CORIN: variants seen among roughly 807,000 people sequenced by gnomAD.
CORIN encodes corin, serine peptidase, also known as atrial natriuretic peptide-converting enzyme.
A neutral mutation model predicts 125.3 loss-of-function variants in CORIN; 117 were observed. That is an observed-to-expected ratio of 0.93 (90% CI 0.80 to 1.09). The LOEUF is 1.09. Ranked by LOEUF, CORIN falls within the 50% of genes least tolerant of loss-of-function variation. The pLI, the probability that CORIN is intolerant of heterozygous loss-of-function variation, is 0.00. For missense variants in CORIN, 1,253 were observed against 1,306.7 expected, an observed-to-expected ratio of 0.96 and a Z score of 0.63; for synonymous variants, 450 against 466.4, an observed-to-expected ratio of 0.96 and a Z score of 0.45.
intron 5 of CORIN, among the ~76,000 whole-genome samples, chr4:47,741,656 A>T (rs1728402380): frequency 6.6e-6 from 1 of 152,054 alleles, no homozygotes; most frequent in African/African-American, 2.4e-5. Context: ...AAACAGTCCA[A>T]ATATTCCTCA....
At chr4:47,741,535 T>C (rs1728395932) in intron 5 of CORIN, among the ~76,000 whole-genome samples, 1 of 152,058 alleles carries the variant, frequency 6.6e-6, no homozygotes, top group Non-Finnish European at 1.5e-5. Flanking sequence ...ACAGCAATTC[T>C]ACTCCTAGGT....
At chr4:47,616,916 A>C (rs1299994614) in intron 19 of CORIN, among the ~76,000 whole-genome samples, 2 of 152,238 alleles carry the variant, frequency 1.3e-5, no homozygotes, top group Non-Finnish European at 2.9e-5. Flanking sequence ...TAACTTTAGG[A>C]GTAAAGTCTT....
intron 4 of CORIN, among the ~76,000 whole-genome samples, chr4:47,747,727 T>G (rs1728722422): frequency 6.6e-6 from 1 of 152,214 alleles, no homozygotes; most frequent in African/African-American, 2.4e-5. Context: ...AACTTTCACA[T>G]GGCCACTCCT....
chr4:47,750,494 A>C (rs112833135), intron 4 of CORIN, among the ~76,000 whole-genome samples: 1 of 152,220 alleles, frequency 6.6e-6, no homozygotes, highest in African/African-American at 2.4e-5. Context: ...GATCACCTAC[A>C]GAAGGAAAAG....
chr4:47,663,604 A>G (rs1023823265), intron 11 of CORIN, among the ~76,000 whole-genome samples: 2 of 152,176 alleles, frequency 1.3e-5, no homozygotes, highest in African/African-American at 2.4e-5. Context: ...CCCTGAAATT[A>G]TAAATTACAT....
chr4:47,767,629 A>G (rs996687162), intron 3 of CORIN, among the ~76,000 whole-genome samples: 8 of 152,242 alleles, frequency 5.3e-5, no homozygotes, highest in African/African-American at 1.9e-4. Context: ...ATGCCAGGAA[A>G]ATAAATATAA....
intron 3 of CORIN, among the ~76,000 whole-genome samples, chr4:47,765,575 G>A (rs759137147): frequency 1.3e-5 from 2 of 152,080 alleles, no homozygotes; most frequent in African/African-American, 2.4e-5. Context: ...TCAGAATTTT[G>A]GTAGCTATTG....
chr4:47,736,722 C>A (rs893575368), intron 5 of CORIN, among the ~76,000 whole-genome samples: 1 of 152,136 alleles, frequency 6.6e-6, no homozygotes, highest in African/African-American at 2.4e-5. Flanking sequence ...GAGAACATGC[C>A]CTAAGAGTCT....
chr4:47,645,149 C>T lies in CORIN; in HGVS notation c.1889G>A (p.Cys630Tyr), dbSNP rs373155410. The T allele has an allele frequency of 9.9e-6, 16 of 1,612,798 alleles. No homozygotes were observed. Among genetic ancestry groups the T allele is most frequent in the African/African-American group, 1.3e-5 (1 of 74,876 alleles). Residue 630 changes from cysteine to tyrosine, a missense_variant, in exon 14 of 22, where the codon TGT becomes TAT. Physicochemically the swap from Cys to Tyr is radical, Grantham distance 194. Transcript: ENST00000273857. ...ATCGCAGATCACTGTGTGCTTCAAA[C>T]ATTGTTTATTGGATGGACATTCCCA... ...DLWECPSNKQCLKHTVICDGF... is the reference protein window; with the variant it reads ...DLWECPSNKQYLKHTVICDGF...
In CORIN at chr4:47,698,764, G is replaced by A. The variant is rs548093091; in HGVS notation, c.800-5681C>T. On this transcript the variant is annotated intron_variant, in intron 5 of 21. Coordinates refer to ENST00000273857, the MANE Select transcript of CORIN (RefSeq NM_006587.4). ...GCTGGATGTACAAGCCATGTACCACGTAACAACATTTTTCTTAACAATGGA... is the reference window on the plus strand; with the variant it reads ...GCTGGATGTACAAGCCATGTACCACATAACAACATTTTTCTTAACAATGGA... Among the ~76,000 whole-genome samples, 14 of 152,236 alleles carry A rather than the reference G, an allele frequency of 9.2e-5. No individual in the cohort carries two copies. The South Asian group carries it at 2.1e-3, about 23-fold the overall frequency.
At chr4:47,805,098 T>C (rs1311565244) in intron 2 of CORIN, among the ~76,000 whole-genome samples, 1 of 143,668 alleles carries the variant, frequency 7.0e-6, no homozygotes, top group East Asian at 2.0e-4. Flanking sequence ...ATCGCGCCAC[T>C]GCACTCCAGC....
In CORIN at chr4:47,665,132, G is replaced by A. The variant is rs1243468142; in HGVS notation, c.1489C>T (p.Leu497Phe). ...TATTTATAACAGTTGGTTTGAACAA[G>A]TGCAGGGAAAAGAGAAGACTCCCAG... The part of the protein sequence containing the change: ...ISWESSLFPA[L>F]VQTNCYKYLM... The change falls in exon 11 of 22, where the codon CTT becomes TTT. Residue 497 changes from leucine to phenylalanine, a missense_variant. By Grantham distance (22) the Leu-to-Phe change is conservative. Coordinates refer to ENST00000273857, the MANE Select transcript of CORIN (RefSeq NM_006587.4). The A allele has an allele frequency of 2.5e-6, 4 of 1,613,780 alleles. No homozygotes were observed. The East Asian group carries it at 6.7e-5, about 27-fold the overall frequency.
At chr4:47,678,825 T>C (rs1165692012) in intron 8 of CORIN, among the ~76,000 whole-genome samples, 3 of 114,032 alleles carry the variant, frequency 2.6e-5, no homozygotes, top group Non-Finnish European at 6.6e-5. Context: ...ACCAGAAGTG[T>C]TCTACCTGAG....
Position 47,837,963 on chromosome 4 carries a change from C to A in CORIN, c.-14G>T, listed in dbSNP as rs530819660. Reference sequence around the variant, plus strand: ...AGACTGTTTCATGGATAAAAAGTCTCGCTTATTCTTCTGTCCACTTTTATC... The same window carrying A: ...AGACTGTTTCATGGATAAAAAGTCTAGCTTATTCTTCTGTCCACTTTTATC... On this transcript the variant is annotated 5_prime_UTR_variant, in exon 1 of 22. Coordinates refer to ENST00000273857, the MANE Select transcript of CORIN (RefSeq NM_006587.4). 1 of 1,611,294 alleles carries A rather than the reference C, an allele frequency of 6.2e-7. No homozygotes were observed. The highest frequency in any genetic ancestry group is 8.5e-7 in the Non-Finnish European group (1 of 1,180,010).
At position 47,653,611 on chromosome 4, in the gene CORIN, A is replaced by G; in HGVS notation, c.1785T>C (p.Ala595=). Residue 595 remains alanine, a synonymous_variant, in exon 13 of 22, where the codon GCT becomes GCC. Transcript: ENST00000273857. Reference sequence around the variant, plus strand: ...CGGCCTGGCCATCACATCTTCTGGAAGCCAGAACACACTGTCCTGAGCGGC... The same window carrying G: ...CGGCCTGGCCATCACATCTTCTGGAGGCCAGAACACACTGTCCTGAGCGGC... ...FKCRSGQCVL[A]SRRCDGQADC... 1 of 1,614,128 alleles carries G rather than the reference A, an allele frequency of 6.2e-7. No homozygotes were observed. Among genetic ancestry groups the G allele is most frequent in the Non-Finnish European group, 8.5e-7 (1 of 1,179,976 alleles).
rs61761820 is a variant in CORIN at position 47,697,212 on chromosome 4, T to C, written c.800-4129A>G. 5.1e-3 allele frequency among the ~76,000 whole-genome samples: 777 copies of C among 152,270 alleles called. 4 individuals carry two copies. The highest frequency in any genetic ancestry group is 0.017 in the Middle Eastern group (5 of 294). On this transcript the variant is annotated intron_variant, in intron 5 of 21. Transcript: ENST00000273857. ...CTTCTTGGGGAGAGCACTGTATCTGTAGGCACAATAGATTGGTAAAAGGAT... is the reference window on the plus strand; with the variant it reads ...CTTCTTGGGGAGAGCACTGTATCTGCAGGCACAATAGATTGGTAAAAGGAT...
intron 5 of CORIN, among the ~76,000 whole-genome samples, chr4:47,714,658 G>A (rs1727007195): frequency 6.6e-6 from 1 of 152,208 alleles, no homozygotes; most frequent in Non-Finnish European, 1.5e-5. Flanking sequence ...CTACACCAAT[G>A]TGGAGCAAAA....
chr4:47,603,419 G>C lies in CORIN; in HGVS notation c.2790C>G (p.Gly930=), dbSNP rs1417328583. The C allele has an allele frequency of 2.5e-6, 4 of 1,613,986 alleles. No individual in the cohort carries two copies. The African/African-American group carries it at 5.3e-5, about 22-fold the overall frequency. ...TACTTTTATTGCCCATGTGGCCCCA[G>C]CCTGTGATATAGCAGTACGTGTCAG... ...LEPDTYCYIT[G]WGHMGNKMPF... is the part of the protein sequence containing the mutation. The change falls in exon 20 of 22, where the codon GGC becomes GGG. Residue 930 remains glycine (G), a synonymous_variant. Coordinates refer to ENST00000273857, the MANE Select transcript of CORIN (RefSeq NM_006587.4).
At chr4:47,747,289 C>G (rs1487007555) in intron 4 of CORIN, among the ~76,000 whole-genome samples, 4 of 152,102 alleles carry the variant, frequency 2.6e-5, no homozygotes, top group Non-Finnish European at 4.4e-5. Context: ...ACACTTAACC[C>G]TCCCAGAGAT....
Sources: gnomAD v4.1 joint callset for allele counts (sites outside exome capture counted in the v4.1 genomes callset) on GRCh38, gnomAD v4.1.1 for gene constraint, MANE v1.5 for transcripts, NCBI Gene and HGNC (gene_info 2026-07-23, HGNC 2026-07-21) for gene names.